The following HELZ variants were observed in gnomAD, a reference collection of about 807,000 sequenced individuals.
The protein encoded by HELZ is ATP-dependent RNA helicase with zinc finger domain.
A neutral mutation model predicts 218.2 loss-of-function variants in HELZ; 23 were observed. That is an observed-to-expected ratio of 0.11 (90% CI 0.08 to 0.15). HELZ has a LOEUF of 0.15. HELZ is among the 10% of genes least tolerant of loss of function. HELZ has a pLI of 1.00. For missense variants in HELZ, 1,813 were observed against 2,353.7 expected (o/e 0.77, Z 4.75); for synonymous variants, 814 against 829.4 (o/e 0.98, Z 0.32).
intron 1 of HELZ, chr17:67,244,064 A>T (rs911917661): frequency 6.3e-6 from 5 of 799,550 alleles, no homozygotes; most frequent in Non-Finnish European, 7.6e-6. Context: ...AAACTCAAAA[A>T]CATAATAAAA....
At chr17:67,181,337 CACCT>C (rs1015604606) in intron 12 of HELZ, among the ~76,000 whole-genome samples, 1 of 152,124 alleles carries the variant, frequency 6.6e-6, no homozygotes, top group African/African-American at 2.4e-5. Flanking sequence ...CTTTTTGATT[CACCT>C]ACCTAATATA....
chr17:67,212,649 G>C (rs1186707803), intron 5 of HELZ, among the ~76,000 whole-genome samples: 5 of 151,982 alleles, frequency 3.3e-5, no homozygotes, highest in Non-Finnish European at 7.4e-5. Context: ...TACTGCTTTT[G>C]GATTTATTTA....
At position 67,215,955 on chromosome 17, in the gene HELZ, GATAAA is replaced by G. The variant is rs1202032762; in HGVS notation, c.211-25_211-21del. The G allele has an allele frequency of 1.4e-6, 2 of 1,429,468 alleles. No individual in the cohort carries two copies. Among genetic ancestry groups the G allele is most frequent in the Non-Finnish European group, 2.0e-6 (2 of 1,018,176 alleles). 88.5% of individuals were successfully genotyped at this position (1,429,468 alleles called of 1,614,324 possible). A position where few individuals can be genotyped will look rare whatever the true frequency, so the allele number is the denominator to read the frequency against. ...ATTTTTCTGCAAAACAAAAATACAA[GATAAA>G]ATTAAGTATTTCAAGAGCTGCTTTT... On this transcript the variant is annotated intron_variant, in intron 4 of 32. Transcript: ENST00000358691.
In HELZ at chr17:67,178,705, C is replaced by A; in HGVS notation, c.1384G>T (p.Asp462Tyr). 1 of 1,613,766 alleles carries A rather than the reference C, an allele frequency of 6.2e-7. No individual in the cohort carries two copies. Among genetic ancestry groups the A allele is most frequent in the South Asian group, 1.1e-5 (1 of 91,034 alleles). The change falls in exon 13 of 33, where the codon GAC becomes TAC. Residue 462 changes from aspartate to tyrosine, a missense_variant. By Grantham distance (160) the Asp-to-Tyr change is radical (BLOSUM62 -3). Transcript: ENST00000358691. Reference protein sequence around the residue: ...TKSNYQSRLHDLLYIEEIAQY... With the variant: ...TKSNYQSRLHYLLYIEEIAQY... ...GCTATCTCCTCAATATAAAGAAGGTCATGTAACCGTGACTGATAGTTGCTC... is the reference window on the plus strand; with the variant it reads ...GCTATCTCCTCAATATAAAGAAGGTAATGTAACCGTGACTGATAGTTGCTC...
At chr17:67,163,650 C>T (rs1006814725) in intron 15 of HELZ, among the ~76,000 whole-genome samples, 2 of 152,086 alleles carry the variant, frequency 1.3e-5, no homozygotes, top group Non-Finnish European at 2.9e-5. Flanking sequence ...GATCCACCCA[C>T]CTCGGCCTCC....
chr17:67,134,286 G>A (rs1043852680), intron 23 of HELZ, among the ~76,000 whole-genome samples: 5 of 152,030 alleles, frequency 3.3e-5, no homozygotes, highest in African/African-American at 1.2e-4. Flanking sequence ...TCGGGAGGCT[G>A]AGGTAGGAGA....
chr17:67,145,795 C>T lies in HELZ; in HGVS notation c.2717G>A (p.Arg906Gln), dbSNP rs750570043. The T allele has an allele frequency of 9.3e-6, 15 of 1,612,740 alleles. No homozygotes were observed. Among genetic ancestry groups the T allele is most frequent in the Middle Eastern group, 1.6e-4 (1 of 6,078 alleles). The change falls in exon 21 of 33, where the codon CGA (arginine) becomes CAA (glutamine). Residue 906 changes from arginine to glutamine, a missense_variant. This residue lies in a region of HELZ where 156 missense variants were observed against 274.4 expected (regional missense o/e 0.57). Coordinates refer to ENST00000358691, the MANE Select transcript of HELZ (RefSeq NM_014877.4). Reference protein sequence around the residue: ...DFYPLTFFTARGEDVQEKNST... With the variant: ...DFYPLTFFTAQGEDVQEKNST... ...ATTTTTTTCTTGTACATCTTCTCCT[C>T]GTGCTGTAAAGAAAGTTAGTGGGTA...
intron 9 of HELZ, 140 bp downstream of exon 9, chr17:67,193,827 C>T (rs1308693101): frequency 3.1e-6 from 2 of 644,234 alleles, no homozygotes; most frequent in East Asian, 5.5e-5. Context: ...ATGGTTTTGA[C>T]TTTTATTACT....
intron 11 of HELZ, among the ~76,000 whole-genome samples, 179 bp downstream of exon 11, chr17:67,189,410 A>T (rs984534449): frequency 6.6e-5 from 10 of 152,338 alleles, no homozygotes; most frequent in Middle Eastern, 3.4e-3. Flanking sequence ...AAGTATTTTT[A>T]AAATTGTACT....
chr17:67,207,887 T>C (rs900877964), intron 5 of HELZ, among the ~76,000 whole-genome samples: 2 of 152,132 alleles, frequency 1.3e-5, no homozygotes, highest in Non-Finnish European at 2.9e-5. Flanking sequence ...CGCATACCCA[T>C]AATACTAGCT....
intron 32 of HELZ, among the ~76,000 whole-genome samples, 198 bp downstream of exon 32, chr17:67,086,631 A>AATATAAATATAAATATATAT (rs914625902): frequency 2.1e-5 from 2 of 93,298 alleles, no homozygotes; most frequent in Admixed American, 1.2e-4. Context: ...TATAAATATA[A>AATATAAATATAAATATATAT]ATATATATAT....
rs769403312 is a variant in HELZ at position 67,138,020 on chromosome 17, G to A, written c.2864C>T (p.Pro955Leu). Residue 955 changes from proline (P) to leucine (L), a missense_variant, in exon 22 of 33, where the codon CCA (proline) becomes CTA (leucine). By Grantham distance (98) the Pro-to-Leu change is moderately conservative. Coordinates refer to ENST00000358691, the MANE Select transcript of HELZ (RefSeq NM_014877.4). ...LDDGSIGVVTPYADQVFRIRA... is the reference protein window; with the variant it reads ...LDDGSIGVVTLYADQVFRIRA... ...TATTCTAAACACTTGATCAGCATAT[G>A]GAGTCACCACACCAATACTGCCATC... 6.2e-7 allele frequency: 1 copy of A among 1,613,672 alleles called. No individual in the cohort carries two copies. Among genetic ancestry groups the A allele is most frequent in the Non-Finnish European group, 8.5e-7 (1 of 1,179,750 alleles).
At chr17:67,206,840 C>G (rs1157971264) in intron 5 of HELZ, among the ~76,000 whole-genome samples, 1 of 152,024 alleles carries the variant, frequency 6.6e-6, no homozygotes, top group East Asian at 1.9e-4. Flanking sequence ...CTCAGGTGAT[C>G]CACCCGCCTC....
In HELZ at chr17:67,189,635, C is replaced by G; in HGVS notation, c.818G>C (p.Ser273Thr). ...EHNPDLSVTV[S>T]TKKSHQTWTF... ...CCATGTCTGGTGGGATTTTTTGGTGCTGACAGTAACTGACAGGTCAGGATT... is the reference window on the plus strand; with the variant it reads ...CCATGTCTGGTGGGATTTTTTGGTGGTGACAGTAACTGACAGGTCAGGATT... Residue 273 changes from serine (S) to threonine (T), a missense_variant, in exon 11 of 33, where the codon AGC becomes ACC. By Grantham distance (58) the Ser-to-Thr change is moderately conservative. Coordinates refer to ENST00000358691, the MANE Select transcript of HELZ (RefSeq NM_014877.4). 6.2e-7 allele frequency: 1 copy of G among 1,613,642 alleles called. No homozygotes were observed. Among genetic ancestry groups the G allele is most frequent in the Non-Finnish European group, 8.5e-7 (1 of 1,179,658 alleles).
intron 5 of HELZ, 68 bp from the exon 6 acceptor site, chr17:67,203,511 T>C (rs1894928): frequency 0.18 from 274,801 of 1,564,120 alleles, 25,094 homozygotes; most frequent in African/African-American, 0.3. Context: ...ATTATAGTAT[T>C]AACACACTAT....
In HELZ at chr17:67,078,087, C is replaced by T. The variant is rs1467292691; in HGVS notation, c.*165G>A. 4 of 576,080 alleles carry T rather than the reference C, an allele frequency of 6.9e-6. No individual in the cohort carries two copies. In the East Asian group the frequency reaches 1.2e-4, roughly 18 times the overall value. The allele number at this position is 576,080 out of a possible 1,614,324, so 35.7% of individuals were successfully genotyped here. A position where few individuals can be genotyped will look rare whatever the true frequency, so the allele number is the denominator to read the frequency against. On this transcript the variant is annotated 3_prime_UTR_variant, in exon 33 of 33. Transcript: ENST00000358691. Reference sequence around the variant, plus strand: ...CAAAAATGCAAAATAATGGAATATACTTTAAAAAAATTAGTTGCAAGTCTA... The same window carrying T: ...CAAAAATGCAAAATAATGGAATATATTTTAAAAAAATTAGTTGCAAGTCTA...
At chr17:67,237,034 G>A (rs764023660) in intron 3 of HELZ, among the ~76,000 whole-genome samples, 16 of 152,112 alleles carry the variant, frequency 1.1e-4, no homozygotes, top group Admixed American at 6.5e-4. Flanking sequence ...CAAAACAAGC[G>A]AACACTCAAG....
chr17:67,089,263 A>G (rs1471244140), intron 31 of HELZ, among the ~76,000 whole-genome samples: 1 of 152,212 alleles, frequency 6.6e-6, no homozygotes, highest in Non-Finnish European at 1.5e-5. Flanking sequence ...AATAACGAAC[A>G]TACACAAACC....
intron 17 of HELZ, among the ~76,000 whole-genome samples, chr17:67,159,553 CA>C (rs1027534959): frequency 1.3e-5 from 2 of 151,874 alleles, no homozygotes; most frequent in African/African-American, 4.8e-5. Flanking sequence ...TGTAAAATGG[CA>C]AAACTAAACA....
Sources: allele counts gnomAD v4.1 joint callset (sites outside exome capture counted in the v4.1 genomes callset), GRCh38; gene constraint gnomAD v4.1.1; regional missense constraint gnomAD v4.1.1; transcripts MANE v1.5; gene names NCBI Gene and HGNC (gene_info 2026-07-23, HGNC 2026-07-21).